The following MED27 variants were observed in gnomAD, a reference collection of about 807,000 sequenced individuals.
The protein encoded by MED27 is mediator complex subunit 27.
Under a neutral mutation model 38.2 loss-of-function variants are expected in MED27, and 30 were observed. The ratio of observed to expected loss-of-function variants is 0.79; its 90% CI spans 0.59 to 1.07. MED27 has a LOEUF of 1.07. MED27 is among the 50% of genes least tolerant of loss of function. MED27 has a pLI of 0.00. For missense variants in MED27, 289 were observed against 397.5 expected, an observed-to-expected ratio of 0.73 and a Z score of 2.32; for synonymous variants, 122 against 153.5, an observed-to-expected ratio of 0.79 and a Z score of 1.52.
chr9:131,871,837 CT>C (rs1168990640), intron 6 of MED27, among the ~76,000 whole-genome samples: 1 of 152,214 alleles, frequency 6.6e-6, no homozygotes, highest in African/African-American at 2.4e-5. Flanking sequence ...CCTTGCACCT[CT>C]TTCCTATCTT....
chr9:132,070,462 C>T (rs1833913084), intron 2 of MED27, among the ~76,000 whole-genome samples: 1 of 152,102 alleles, frequency 6.6e-6, no homozygotes. Flanking sequence ...GGGGCTGATG[C>T]AGGAAGACCT....
intron 2 of MED27, among the ~76,000 whole-genome samples, chr9:132,059,998 T>C (rs1833663666): frequency 6.6e-6 from 1 of 152,116 alleles, no homozygotes; most frequent in African/African-American, 2.4e-5. Context: ...ATGTGGAAAC[T>C]AAGACTCAGG....
intron 3 of MED27, among the ~76,000 whole-genome samples, 172 bp downstream of exon 3, chr9:132,014,165 C>T (rs556801675): frequency 6.6e-6 from 1 of 152,084 alleles, no homozygotes; most frequent in Non-Finnish European, 1.5e-5. Flanking sequence ...TGCAGTGAGC[C>T]GAGATCATGC....
intron 3 of MED27, among the ~76,000 whole-genome samples, chr9:132,008,574 A>T (rs1832413293): frequency 6.6e-6 from 1 of 152,248 alleles, no homozygotes; most frequent in South Asian, 2.1e-4. Flanking sequence ...TGAATCATTA[A>T]TCCCATGAAT....
At chr9:131,928,916 C>A (rs955031402) in intron 4 of MED27, among the ~76,000 whole-genome samples, 3 of 152,190 alleles carry the variant, frequency 2.0e-5, no homozygotes, top group Non-Finnish European at 4.4e-5. Flanking sequence ...TTGCGCCACC[C>A]TTCCCCCAAT....
chr9:132,030,236 T>C (rs547780386), intron 2 of MED27, among the ~76,000 whole-genome samples: 5 of 152,330 alleles, frequency 3.3e-5, no homozygotes, highest in Admixed American at 3.3e-4. Context: ...GTGACAGCGC[T>C]GCCTGGCTCT....
chr9:132,035,265 C>T (rs546647138), intron 2 of MED27, among the ~76,000 whole-genome samples: 2 of 152,350 alleles, frequency 1.3e-5, no homozygotes, highest in South Asian at 4.1e-4. Context: ...AACAGCATTT[C>T]ATTCATTCAA....
chr9:131,988,470 C>T (rs376161275), intron 3 of MED27, among the ~76,000 whole-genome samples: 10 of 152,192 alleles, frequency 6.6e-5, no homozygotes, highest in Middle Eastern at 3.2e-3. Context: ...GAAGACAATG[C>T]GGATGAAGGC....
intron 3 of MED27, among the ~76,000 whole-genome samples, chr9:131,977,578 C>T (rs914369374): frequency 1.3e-5 from 2 of 152,148 alleles, no homozygotes; most frequent in Non-Finnish European, 2.9e-5. Context: ...ATCTTCCCCT[C>T]CCTGAGAGCT....
At chr9:131,991,896 T>C (rs1169059290) in intron 3 of MED27, among the ~76,000 whole-genome samples, 1 of 152,088 alleles carries the variant, frequency 6.6e-6, no homozygotes, top group African/African-American at 2.4e-5. Flanking sequence ...TAAGTTTTTG[T>C]ATCTTTAGTA....
At chr9:131,877,988 G>T (rs1268275770) in intron 6 of MED27, among the ~76,000 whole-genome samples, 1 of 152,028 alleles carries the variant, frequency 6.6e-6, no homozygotes, top group Non-Finnish European at 1.5e-5. Flanking sequence ...TAAAAAGAAT[G>T]AACAGGCCGG....
chr9:132,059,758 T>C (rs1334628262), intron 2 of MED27, among the ~76,000 whole-genome samples: 1 of 152,388 alleles, frequency 6.6e-6, no homozygotes, highest in Middle Eastern at 3.4e-3. Context: ...TGATTTGTGA[T>C]ACAGGGACAT....
At chr9:132,073,840 T>G (rs760885282) in intron 2 of MED27, 97 of 1,395,392 alleles carry the variant, frequency 7.0e-5, no homozygotes, top group Non-Finnish European at 8.0e-5. Flanking sequence ...GTGACACTTC[T>G]GGGGTCTTTG....
intron 4 of MED27, among the ~76,000 whole-genome samples, chr9:131,895,316 C>T (rs1005594614): frequency 3.9e-5 from 6 of 152,292 alleles, no homozygotes; most frequent in Admixed American, 6.5e-5. Context: ...GAGGTTTTGA[C>T]GTCACAGAAT....
At chr9:131,900,554 G>GA (rs2131514970) in intron 4 of MED27, among the ~76,000 whole-genome samples, 1 of 152,066 alleles carries the variant, frequency 6.6e-6, no homozygotes, top group South Asian at 2.1e-4. Flanking sequence ...CGTGTAGGGG[G>GA]AAAAGTGCTT....
At chr9:131,892,871 T>C (rs2131501934) in intron 5 of MED27, among the ~76,000 whole-genome samples, 1 of 152,336 alleles carries the variant, frequency 6.6e-6, no homozygotes, top group South Asian at 2.1e-4. Context: ...AATGAATGAT[T>C]TGGTATCAAC....
intron 2 of MED27, among the ~76,000 whole-genome samples, chr9:132,050,604 A>G (rs534182604): frequency 6.6e-6 from 1 of 152,346 alleles, no homozygotes; most frequent in African/African-American, 2.4e-5. Flanking sequence ...ACAGCAAGAA[A>G]TACTAACAGC....
At chr9:131,879,879 T>A (rs1319561407) in intron 6 of MED27, among the ~76,000 whole-genome samples, 1 of 152,224 alleles carries the variant, frequency 6.6e-6, no homozygotes, top group Admixed American at 6.5e-5. Context: ...AATAGAATCT[T>A]GAGGAATAGC....
At chr9:132,043,791 G>GA (rs920313007) in intron 2 of MED27, among the ~76,000 whole-genome samples, 5 of 152,038 alleles carry the variant, frequency 3.3e-5, no homozygotes, top group African/African-American at 7.2e-5. Flanking sequence ...ATATCAATAA[G>GA]AAAAAAATGC....
Sources: allele counts gnomAD v4.1 joint callset (sites outside exome capture counted in the v4.1 genomes callset), GRCh38; gene constraint gnomAD v4.1.1; transcripts MANE v1.5; gene names NCBI Gene and HGNC (gene_info 2026-07-23, HGNC 2026-07-21).